SLTM: variants seen among roughly 807,000 people sequenced by gnomAD.
SLTM encodes SAFB-like transcription modulator.
Under a neutral mutation model 134.6 loss-of-function variants are expected in SLTM, and 43 were observed. The ratio of observed to expected loss-of-function variants is 0.32; its 90% CI spans 0.25 to 0.41. SLTM has a LOEUF of 0.41. SLTM is among the 10% of genes least tolerant of loss of function. SLTM has a pLI of 1.00. For synonymous variants in SLTM, 424 were observed against 432.3 expected (o/e 0.98, Z 0.24); for missense variants, 1,055 against 1,288.8 (o/e 0.82, Z 2.78).
chr15:58,886,568 C>T (rs1335391011), intron 19 of SLTM, among the ~76,000 whole-genome samples: 1 of 152,120 alleles, frequency 6.6e-6, no homozygotes, highest in Non-Finnish European at 1.5e-5. Context: ...CATGAGCCAC[C>T]ATGCCCGGCC....
intron 12 of SLTM, 71 bp from the exon 13 acceptor site, chr15:58,893,435 T>C: frequency 2.8e-6 from 3 of 1,052,832 alleles, no homozygotes; most frequent in Non-Finnish European, 4.2e-6. Context: ...TATGTAAAAA[T>C]GCTAAATTCT....
chr15:58,909,023 T>C (rs28538484), intron 5 of SLTM, among the ~76,000 whole-genome samples: 30,244 of 152,126 alleles, frequency 0.2, 3,305 homozygotes, highest in South Asian at 0.44. Context: ...GCATTGTACA[T>C]TGAAAAGACC....
chr15:58,888,299 G>C, intron 17 of SLTM, 86 bp downstream of exon 17: 1 of 1,195,924 alleles, frequency 8.4e-7, no homozygotes, highest in Non-Finnish European at 1.2e-6. Flanking sequence ...GTTCTGACCT[G>C]GTACTTCCAG....
chr15:58,932,619 T>C (rs753194847), intron 1 of SLTM, among the ~76,000 whole-genome samples, 176 bp from the exon 2 acceptor site: 15 of 152,156 alleles, frequency 9.9e-5, no homozygotes, highest in Admixed American at 2.0e-4. Context: ...AGAGAAACTT[T>C]CAGGGGAAAA....
intron 20 of SLTM, 36 bp downstream of exon 20, chr15:58,883,590 G>C (rs1307531851): frequency 3.7e-6 from 6 of 1,611,674 alleles, no homozygotes; most frequent in African/African-American, 1.3e-5. Context: ...TAAAGTGTTG[G>C]TTGTGTGCTG....
At chr15:58,912,313 A>G (rs904091388) in intron 5 of SLTM, among the ~76,000 whole-genome samples, 8 of 151,948 alleles carry the variant, frequency 5.3e-5, no homozygotes, top group Non-Finnish European at 1.2e-4. Context: ...CTTAGCCAGG[A>G]TGGTCTCGAT....
chr15:58,892,028 G>T (rs1287578254), intron 14 of SLTM, among the ~76,000 whole-genome samples: 22 of 152,104 alleles, frequency 1.4e-4, no homozygotes, highest in Non-Finnish European at 3.2e-4. Context: ...GTGCTACAAG[G>T]ATTACTTCCT....
In SLTM at chr15:58,887,362, C is replaced by T. The variant is rs1489471217; in HGVS notation, c.2554G>A (p.Glu852Lys). The T allele has an allele frequency of 3.1e-6, 5 of 1,613,846 alleles. No individual in the cohort carries two copies. Among genetic ancestry groups the T allele is most frequent in the South Asian group, 1.1e-5 (1 of 91,068 alleles). The change falls in exon 18 of 21, where the codon GAA becomes AAA. Residue 852 changes from glutamate (E) to lysine (K), a missense_variant. Physicochemically the swap from Glu to Lys is moderately conservative, Grantham distance 56. This residue lies in a region of SLTM where 776 missense variants were observed against 962.2 expected (regional missense o/e 0.81). Coordinates refer to ENST00000380516, the MANE Select transcript of SLTM (RefSeq NM_024755.4). ...TCATGAATAATCACCGTTCTCCTTTCGTCTCGCTCCCCTCGTACTTCTCGC... is the reference window on the plus strand; with the variant it reads ...TCATGAATAATCACCGTTCTCCTTTTGTCTCGCTCCCCTCGTACTTCTCGC... The part of the protein sequence containing the change: ...DRREVRGERD[E>K]RRTVIIHDRP...
At chr15:58,930,160 A>C (rs1332725691) in intron 2 of SLTM, among the ~76,000 whole-genome samples, 1 of 151,966 alleles carries the variant, frequency 6.6e-6, no homozygotes, top group Non-Finnish European at 1.5e-5. Context: ...GCTGGACTGC[A>C]GTGGAGTGAC....
chr15:58,911,113 A>G (rs2036240262), intron 5 of SLTM, among the ~76,000 whole-genome samples: 1 of 152,026 alleles, frequency 6.6e-6, no homozygotes, highest in South Asian at 2.1e-4. Context: ...CACCATTCTA[A>G]TATTTCCTTC....
chr15:58,913,360 T>C, intron 4 of SLTM, 139 bp downstream of exon 4: 1 of 629,838 alleles, frequency 1.6e-6, no homozygotes, highest in South Asian at 3.1e-5. Context: ...GTGGTAGGAT[T>C]TTAGATGACT....
At chr15:58,894,274 A>C in intron 10 of SLTM, 81 bp from the exon 11 acceptor site, 1 of 1,419,542 alleles carries the variant, frequency 7.0e-7, no homozygotes, top group Non-Finnish European at 9.7e-7. Flanking sequence ...ATGGCAGAAA[A>C]TTTGGAAACG....
At chr15:58,893,155 G>A (rs1374441997) in intron 13 of SLTM, 95 bp from the exon 14 acceptor site, 4 of 1,402,858 alleles carry the variant, frequency 2.9e-6, no homozygotes, top group Non-Finnish European at 3.9e-6. Context: ...CAAATGACTA[G>A]TAACATTTCC....
At chr15:58,902,891 T>C (rs1030183600) in intron 5 of SLTM, among the ~76,000 whole-genome samples, 11 of 151,696 alleles carry the variant, frequency 7.3e-5, no homozygotes, top group Non-Finnish European at 1.5e-5. Context: ...ACCCAGCTAA[T>C]TTTTTATTAT....
chr15:58,918,780 A>C (rs1251263870), intron 2 of SLTM, among the ~76,000 whole-genome samples: 1 of 152,228 alleles, frequency 6.6e-6, no homozygotes, highest in East Asian at 1.9e-4. Flanking sequence ...TTTGTACATG[A>C]GAATTTCACA....
rs554915586 is a variant in SLTM at position 58,890,897 on chromosome 15, G to A, written c.1899-436C>T. ...AACAAGTACATACTTTGATGATTTG[G>A]GATCATAACAATGAACATCAATAAT... On this transcript the variant is annotated intron_variant, in intron 14 of 20. Coordinates refer to ENST00000380516, the MANE Select transcript of SLTM (RefSeq NM_024755.4). 3.3e-5 allele frequency among the ~76,000 whole-genome samples: 5 copies of A among 152,016 alleles called. No homozygotes were observed. The South Asian group carries it at 1.0e-3, about 32-fold the overall frequency.
intron 2 of SLTM, among the ~76,000 whole-genome samples, chr15:58,929,506 C>T (rs925196379): frequency 6.6e-6 from 1 of 152,072 alleles, no homozygotes; most frequent in Non-Finnish European, 1.5e-5. Flanking sequence ...TTAATATATC[C>T]TTGGTTTTCA....
intron 17 of SLTM, 23 bp downstream of exon 17, chr15:58,888,362 A>T (rs767346597): frequency 1.3e-6 from 2 of 1,561,266 alleles, no homozygotes; most frequent in Non-Finnish European, 1.7e-6. Context: ...TAAAATAAAT[A>T]TAACAATTTT....
Position 58,892,858 on chromosome 15 carries a change from T to A in SLTM, c.1898+39A>T, listed in dbSNP as rs374602397. The A allele has an allele frequency of 3.2e-6, 5 of 1,564,466 alleles. No homozygotes were observed. The African/African-American group carries it at 6.9e-5, about 22-fold the overall frequency. On this transcript the variant is annotated intron_variant, in intron 14 of 20. Transcript: ENST00000380516. ...TTACAACTAGTGTTAAATATTTACC[T>A]ATATTTAAAGACAGGTATAAAACAG...
Sources: gnomAD v4.1 joint callset for allele counts (sites outside exome capture counted in the v4.1 genomes callset) on GRCh38, gnomAD v4.1.1 for gene constraint, gnomAD v4.1.1 regional missense constraint, MANE v1.5 for transcripts, NCBI Gene and HGNC (gene_info 2026-07-23, HGNC 2026-07-21) for gene names.